The following SLC24A2 variants were observed in gnomAD, a reference collection of about 807,000 sequenced individuals.
The protein encoded by SLC24A2 is sodium/potassium/calcium exchanger 2.
SLC24A2 carries 36 observed loss-of-function variants against 62.0 expected under a neutral mutation model. That is an observed-to-expected ratio of 0.58 (90% CI 0.44 to 0.77). The LOEUF (loss-of-function observed/expected upper bound fraction) is 0.77. SLC24A2 is among the 30% of genes least tolerant of loss of function. The pLI is 0.00. For synonymous variants in SLC24A2, 358 were observed against 294.0 expected (o/e 1.22, Z -2.23); for missense variants, 846 against 817.9 (o/e 1.03, Z -0.42).
At chr9:20,041,050 G>A in the SLC24A2 span, among the ~76,000 whole-genome samples, 1 of 152,148 alleles carries the variant, frequency 6.6e-6, no homozygotes, top group Non-Finnish European at 1.5e-5. Context: ...TTAGGACATC[G>A]ACTTTCTTTT....
At chr9:19,844,991 A>C in the SLC24A2 span, among the ~76,000 whole-genome samples, 1 of 146,102 alleles carries the variant, frequency 6.8e-6, no homozygotes, top group Non-Finnish European at 1.5e-5. Context: ...TGCCTTGGCT[A>C]TTCAGGCTCT....
At chr9:20,304,654 C>T in the SLC24A2 span, among the ~76,000 whole-genome samples, 161 of 152,236 alleles carry the variant, frequency 1.1e-3, 1 homozygote, top group African/African-American at 3.7e-3. Flanking sequence ...AGGTAAATTA[C>T]TCTTGATTTA....
chr9:20,051,407 T>C, the SLC24A2 span, among the ~76,000 whole-genome samples: 1 of 152,000 alleles, frequency 6.6e-6, no homozygotes, highest in African/African-American at 2.4e-5. Flanking sequence ...AACTGGGACA[T>C]TTTATATATC....
chr9:20,123,042 G>GTGGC, the SLC24A2 span, among the ~76,000 whole-genome samples: 1 of 152,096 alleles, frequency 6.6e-6, no homozygotes, highest in East Asian at 1.9e-4. Flanking sequence ...ACTAGACTAG[G>GTGGC]TGGCTTATAA....
the SLC24A2 span, among the ~76,000 whole-genome samples, chr9:20,106,184 T>G: frequency 8.5e-5 from 13 of 152,168 alleles, 1 homozygote; most frequent in Admixed American, 5.2e-4. Context: ...AATAACAGGA[T>G]CTGAAATTGT....
chr9:20,228,550 T>C, the SLC24A2 span, among the ~76,000 whole-genome samples: 2 of 151,570 alleles, frequency 1.3e-5, no homozygotes, highest in Admixed American at 6.6e-5. Context: ...TGGAAGGGAG[T>C]AGACTGGCTT....
At chr9:19,589,518 T>C (rs1426914350) in intron 5 of SLC24A2, among the ~76,000 whole-genome samples, 5 of 152,248 alleles carry the variant, frequency 3.3e-5, no homozygotes, top group African/African-American at 1.2e-4. Context: ...TAGTTAAAAT[T>C]AATCCATGAT....
At chr9:20,261,459 T>C in the SLC24A2 span, among the ~76,000 whole-genome samples, 1 of 152,026 alleles carries the variant, frequency 6.6e-6, no homozygotes, top group East Asian at 1.9e-4. Context: ...ACTTGCTTTA[T>C]AACAGCCCAC....
chr9:20,027,436 T>G, the SLC24A2 span, among the ~76,000 whole-genome samples: 3 of 152,190 alleles, frequency 2.0e-5, no homozygotes, highest in Non-Finnish European at 4.4e-5. Context: ...AAAGAAAATG[T>G]GGCCTATATA....
chr9:20,256,814 T>C, the SLC24A2 span, among the ~76,000 whole-genome samples: 49 of 152,088 alleles, frequency 3.2e-4, no homozygotes, highest in African/African-American at 1.1e-3. Context: ...GTAGTTCTTT[T>C]TACTCTTTTT....
the SLC24A2 span, among the ~76,000 whole-genome samples, chr9:20,106,314 T>C: frequency 1.3e-5 from 2 of 151,990 alleles, no homozygotes. Context: ...TTCCAATCAA[T>C]AGAAAAAGAG....
the SLC24A2 span, among the ~76,000 whole-genome samples, chr9:20,306,021 A>T: frequency 1.3e-5 from 2 of 152,120 alleles, no homozygotes; most frequent in African/African-American, 4.8e-5. Flanking sequence ...GCCTACTCCA[A>T]TGACTTCGGT....
intron 2 of SLC24A2, among the ~76,000 whole-genome samples, chr9:19,691,718 T>A (rs1820051709): frequency 6.6e-6 from 1 of 152,186 alleles, no homozygotes; most frequent in Non-Finnish European, 1.5e-5. Flanking sequence ...TTAAAAATGT[T>A]TGTGGTACCA....
chr9:20,143,021 T>C, the SLC24A2 span, among the ~76,000 whole-genome samples: 1 of 152,186 alleles, frequency 6.6e-6, no homozygotes, highest in South Asian at 2.1e-4. Context: ...TATACACATT[T>C]TTACCAATTA....
chr9:20,231,570 G>T, the SLC24A2 span, among the ~76,000 whole-genome samples: 120 of 152,136 alleles, frequency 7.9e-4, 2 homozygotes, highest in African/African-American at 2.8e-3. Flanking sequence ...CTTGTGATTT[G>T]TGCACACTGA....
chr9:20,171,430 G>C, the SLC24A2 span, among the ~76,000 whole-genome samples: 1 of 151,948 alleles, frequency 6.6e-6, no homozygotes, highest in African/African-American at 2.4e-5. Flanking sequence ...TTGCAGAATG[G>C]ATAAGAATTC....
the SLC24A2 span, among the ~76,000 whole-genome samples, chr9:19,826,230 A>G: frequency 6.6e-6 from 1 of 150,874 alleles, no homozygotes; most frequent in East Asian, 1.9e-4. Flanking sequence ...GGCATTTAAC[A>G]TGTTCATTAA....
At chr9:19,530,712 CAAG>C (rs1420908872) in intron 8 of SLC24A2, among the ~76,000 whole-genome samples, 3 of 152,138 alleles carry the variant, frequency 2.0e-5, no homozygotes, top group South Asian at 2.1e-4. Flanking sequence ...GATTCTTAAT[CAAG>C]AAGCCAATTA....
chr9:19,697,999 G>A (rs1820242661), intron 2 of SLC24A2, among the ~76,000 whole-genome samples: 1 of 152,026 alleles, frequency 6.6e-6, no homozygotes. Context: ...GAACAAAAAT[G>A]TTTTAATATG....
Sources: allele counts gnomAD v4.1 joint callset (sites outside exome capture counted in the v4.1 genomes callset), GRCh38; gene constraint gnomAD v4.1.1; transcripts MANE v1.5; gene names NCBI Gene and HGNC (gene_info 2026-07-23, HGNC 2026-07-21).